Variants in DYSF observed in about 807,000 individuals in gnomAD.
DYSF encodes the protein dysferlin, also known as dystrophy-associated fer-1-like 1.
DYSF carries 212 observed loss-of-function variants against 274.9 expected under a neutral mutation model. That is an observed-to-expected ratio of 0.77 (90% CI 0.69 to 0.86). The LOEUF (loss-of-function observed/expected upper bound fraction) is 0.86, where lower values mean the gene tolerates loss of function less well. Among genes scored for constraint, DYSF ranks in the 40% least tolerant of loss-of-function variants. The pLI is 0.00. For missense variants in DYSF, 2,666 were observed against 2,783.2 expected, an observed-to-expected ratio of 0.96 and a Z score of 0.95; for synonymous variants, 1,091 against 1,078.7, an observed-to-expected ratio of 1.01 and a Z score of -0.22.
intron 41 of DYSF, among the ~76,000 whole-genome samples, chr2:71,620,979 C>T (rs1158013969): frequency 6.6e-6 from 1 of 152,074 alleles, no homozygotes; most frequent in Non-Finnish European, 1.5e-5. Context: ...AGACGGCAGG[C>T]TGACTTTCTG....
chr2:71,612,948 G>T, intron 39 of DYSF, 142 bp downstream of exon 39: 1 of 1,134,516 alleles, frequency 8.8e-7, no homozygotes, highest in Non-Finnish European at 1.2e-6. Flanking sequence ...TAGACCACAG[G>T]GTGGAGACCT....
chr2:71,684,446 G>A (rs1457252111), intron 55 of DYSF, among the ~76,000 whole-genome samples: 1 of 152,250 alleles, frequency 6.6e-6, no homozygotes, highest in Non-Finnish European at 1.5e-5. Context: ...CTAAGCACGT[G>A]TGTGCGTCTG....
chr2:71,483,444 G>C (rs1426839134), intron 3 of DYSF, among the ~76,000 whole-genome samples: 2 of 152,160 alleles, frequency 1.3e-5, no homozygotes, highest in Admixed American at 1.3e-4. Context: ...TTGAAGGCAG[G>C]GGTAGGCTTT....
chr2:71,565,166 C>T (rs13029872), intron 24 of DYSF, among the ~76,000 whole-genome samples: 41,644 of 151,408 alleles, frequency 0.28, 6,921 homozygotes, highest in Non-Finnish European at 0.37. Context: ...CTGCAGCCTC[C>T]GCCTCACAAG....
intron 55 of DYSF, among the ~76,000 whole-genome samples, chr2:71,683,314 C>T (rs1342926330): frequency 2.6e-5 from 4 of 152,110 alleles, no homozygotes; most frequent in Admixed American, 1.3e-4. Flanking sequence ...TGGGGCCATA[C>T]CAGAGGTGGC....
chr2:71,540,114 C>CTTTTTTTTTTTTT (rs565221959), intron 17 of DYSF, among the ~76,000 whole-genome samples: 2 of 133,776 alleles, frequency 1.5e-5, no homozygotes, highest in African/African-American at 5.8e-5. Flanking sequence ...CTTTTTTTTT[C>CTTTTTTTTTTTTT]TTTTTTTTTT....
chr2:71,482,478 G>A (rs2082998671), intron 3 of DYSF, among the ~76,000 whole-genome samples: 1 of 152,092 alleles, frequency 6.6e-6, no homozygotes, highest in South Asian at 2.1e-4. Flanking sequence ...TGAGTAGCCC[G>A]GCCTGGGCGC....
At chr2:71,542,016 G>C (rs1474804227) in intron 17 of DYSF, among the ~76,000 whole-genome samples, 1 of 152,202 alleles carries the variant, frequency 6.6e-6, no homozygotes, top group African/African-American at 2.4e-5. Context: ...ATTATGCCAT[G>C]GACAGCTGAA....
chr2:71,549,254 C>A, intron 17 of DYSF: 2 of 1,230,154 alleles, frequency 1.6e-6, no homozygotes, highest in Non-Finnish European at 2.4e-6. Context: ...TTCCATCTGT[C>A]TGCCTGCCAG....
upstream of DYSF, chr2:71,466,629 G>A: frequency 1.6e-6 from 2 of 1,286,888 alleles, no homozygotes; most frequent in Non-Finnish European, 2.0e-6. Context: ...ATCTGGGTAG[G>A]GGCCGGAGGG....
intron 1 of DYSF, among the ~76,000 whole-genome samples, chr2:71,459,180 C>T (rs1469280179): frequency 6.6e-6 from 1 of 152,196 alleles, no homozygotes; most frequent in Non-Finnish European, 1.5e-5. Context: ...GTCCTGTCAA[C>T]TCATGTAGAA....
chr2:71,589,487 C>T (rs1170522958), intron 30 of DYSF, 106 bp from the exon 31 acceptor site: 5 of 886,236 alleles, frequency 5.6e-6, no homozygotes, highest in African/African-American at 3.3e-5. Flanking sequence ...CAGCTTTCGG[C>T]AGCGGAGAGA....
chr2:71,546,181 C>T (rs1193985231), intron 17 of DYSF, among the ~76,000 whole-genome samples: 1 of 152,252 alleles, frequency 6.6e-6, no homozygotes, highest in African/African-American at 2.4e-5. Context: ...GGCCAAGCCT[C>T]CCCGACTTGC....
chr2:71,559,342 C>T (rs1172191795), intron 22 of DYSF, among the ~76,000 whole-genome samples: 1 of 152,218 alleles, frequency 6.6e-6, no homozygotes, highest in African/African-American at 2.4e-5. Context: ...CCCTCCTCCT[C>T]TTTTCTCTGC....
chr2:71,476,059 C>G (rs1005089833), intron 1 of DYSF, among the ~76,000 whole-genome samples: 15 of 152,266 alleles, frequency 9.9e-5, no homozygotes, highest in African/African-American at 3.1e-4. Flanking sequence ...AGTGTGAGGA[C>G]CTCACTGGCC....
At chr2:71,577,404 A>G (rs1289182648) in intron 30 of DYSF, among the ~76,000 whole-genome samples, 1 of 151,356 alleles carries the variant, frequency 6.6e-6, no homozygotes, top group East Asian at 1.9e-4. Context: ...ACACACTAAC[A>G]CCCATACACA....
At chr2:71,485,284 T>A (rs921178082) in intron 3 of DYSF, among the ~76,000 whole-genome samples, 1 of 152,122 alleles carries the variant, frequency 6.6e-6, no homozygotes, top group Non-Finnish European at 1.5e-5. Context: ...GGCTGGGCAT[T>A]GTGGCTCATA....
rs200311177 is a variant in DYSF, at chr2:71,662,791, GTGTC to G, written c.5004-1473_5004-1470del. Among the ~76,000 whole-genome samples, 1,087 of 149,834 alleles carry G rather than the reference GTGTC, an allele frequency of 7.3e-3. 5 individuals carry two copies. The highest frequency in any genetic ancestry group is 0.013 in the Admixed American group (198 of 15,164). ...TGTATGTGTGTGTGTATGTGTGTTT[GTGTC>G]TGTGTGTCTGTGTGTGGTGTGTGTA... On this transcript the variant is annotated intron_variant, in intron 45 of 55. Coordinates refer to ENST00000410020, the MANE Select transcript of DYSF (RefSeq NM_001130987.2).
rs773499037 is a variant in DYSF, at chr2:71,620,531, C to G, written c.4465-16C>G. 6.4e-6 allele frequency: 10 copies of G among 1,551,604 alleles called. No individual in the cohort carries two copies. Among genetic ancestry groups the G allele is most frequent in the Non-Finnish European group, 8.7e-6 (10 of 1,146,994 alleles). On this transcript the variant is annotated splice_polypyrimidine_tract_variant and intron_variant, in intron 40 of 55. Transcript: ENST00000410020. ...GTTCTCTAATCCTGTTGCTAACCAG[C>G]ATGTTTCATTTGTAGCTTGCAGACG... is the stretch of plus-strand genomic sequence containing the variant.
Sources: allele counts gnomAD v4.1 joint callset (sites outside exome capture counted in the v4.1 genomes callset), GRCh38; gene constraint gnomAD v4.1.1; transcripts MANE v1.5; gene names NCBI Gene and HGNC (gene_info 2026-07-23, HGNC 2026-07-21).